Variants in PALS2 observed in about 807,000 individuals in gnomAD.
The protein encoded by PALS2 is protein associated with LIN7 2, MAGUK p55 family member.
A neutral mutation model predicts 61.6 loss-of-function variants in PALS2; 27 were observed. The observed-to-expected ratio is 0.44, with a 90% confidence interval of 0.32 to 0.60. The LOEUF (loss-of-function observed/expected upper bound fraction) is 0.60. Among genes scored for constraint, PALS2 ranks in the 20% least tolerant of loss-of-function variants. PALS2 has a pLI of 0.05. For missense variants in PALS2, 554 were observed against 639.4 expected, an observed-to-expected ratio of 0.87 and a Z score of 1.44; for synonymous variants, 236 against 218.6, an observed-to-expected ratio of 1.08 and a Z score of -0.70.
rs1178867680 is a variant in PALS2, at chr7:24,688,007, T to C, written c.*393T>C. 1.3e-5 allele frequency: 2 copies of C among 154,596 alleles called. No homozygotes were observed. The highest frequency in any genetic ancestry group is 2.9e-5 in the Non-Finnish European group (2 of 69,804). 9.6% of individuals were successfully genotyped at this position (154,596 alleles called of 1,614,324 possible). ...ATTACTTGAAATAGTTTTGTAAAGCTGTCATTTAGTTCAGTATTCAAATAG... is the reference window on the plus strand; with the variant it reads ...ATTACTTGAAATAGTTTTGTAAAGCCGTCATTTAGTTCAGTATTCAAATAG... On this transcript the variant is annotated 3_prime_UTR_variant, in exon 12 of 12. Coordinates refer to ENST00000222644, the MANE Select transcript of PALS2 (RefSeq NM_001303037.2).
chr7:24,678,804 A>T (rs187364603), intron 9 of PALS2, among the ~76,000 whole-genome samples: 1 of 152,112 alleles, frequency 6.6e-6, no homozygotes, highest in Non-Finnish European at 1.5e-5. Flanking sequence ...TTGGGGGACT[A>T]CCTCTTAAAA....
chr7:24,629,157 A>G (rs543383571), intron 2 of PALS2, among the ~76,000 whole-genome samples: 1 of 152,284 alleles, frequency 6.6e-6, no homozygotes, highest in Admixed American at 6.5e-5. Flanking sequence ...AGACCAATGG[A>G]ACAGGACAGA....
chr7:24,613,598 C>T (rs1784188926), intron 1 of PALS2, among the ~76,000 whole-genome samples: 2 of 151,750 alleles, frequency 1.3e-5, no homozygotes, highest in Non-Finnish European at 3.0e-5. Context: ...GTGTTGGGAG[C>T]ATTCGAATAT....
chr7:24,603,490 A>G (rs1378173181), intron 1 of PALS2, among the ~76,000 whole-genome samples: 1 of 152,222 alleles, frequency 6.6e-6, no homozygotes, highest in Non-Finnish European at 1.5e-5. Flanking sequence ...AGCTCTCCAC[A>G]TAGAGACCCA....
At chr7:24,593,517 C>G (rs755061108) in intron 1 of PALS2, among the ~76,000 whole-genome samples, 13 of 152,086 alleles carry the variant, frequency 8.5e-5, no homozygotes, top group Admixed American at 1.3e-4. Context: ...CAGCTATCGT[C>G]TTATGAGATG....
intron 2 of PALS2, among the ~76,000 whole-genome samples, chr7:24,632,651 T>C (rs1008834977): frequency 6.6e-6 from 1 of 152,192 alleles, no homozygotes; most frequent in African/African-American, 2.4e-5. Context: ...CCTCCCAAAA[T>C]GCTAGGATTA....
At chr7:24,636,685 T>G (rs553332280) in intron 2 of PALS2, among the ~76,000 whole-genome samples, 71 of 152,318 alleles carry the variant, frequency 4.7e-4, no homozygotes, top group Non-Finnish European at 9.6e-4. Context: ...AAAATTAAAT[T>G]TTTAAAGATA....
chr7:24,605,744 A>C lies in PALS2; in HGVS notation c.-2-17922A>C, dbSNP rs150744650. On this transcript the variant is annotated intron_variant, in intron 1 of 11. Coordinates refer to ENST00000222644, the MANE Select transcript of PALS2 (RefSeq NM_001303037.2). ...CTTGTCTCTATCCAGTAATACCTGA[A>C]ATTTTTTACAAAATTAATTTATGTA... 2.3e-3 allele frequency among the ~76,000 whole-genome samples: 351 copies of C among 152,258 alleles called. 1 individual carries two copies. Among genetic ancestry groups the C allele is most frequent in the African/African-American group, 8.0e-3 (331 of 41,560 alleles).
At chr7:24,588,689 T>G (rs1177195266) in intron 1 of PALS2, among the ~76,000 whole-genome samples, 2 of 152,216 alleles carry the variant, frequency 1.3e-5, no homozygotes, top group Non-Finnish European at 2.9e-5. Flanking sequence ...GCCATACGTA[T>G]AACAGCTACA....
intron 1 of PALS2, among the ~76,000 whole-genome samples, chr7:24,612,916 C>T (rs1028171486): frequency 6.6e-6 from 1 of 151,766 alleles, no homozygotes; most frequent in African/African-American, 2.4e-5. Context: ...TGACATTTCT[C>T]CATTAAATGT....
At chr7:24,584,021 A>G (rs1255525768) in intron 1 of PALS2, among the ~76,000 whole-genome samples, 7 of 149,834 alleles carry the variant, frequency 4.7e-5, no homozygotes, top group Non-Finnish European at 1.0e-4. Context: ...ATAGTATTCC[A>G]TGGTGTATAT....
At chr7:24,642,329 A>C (rs146918385) in intron 3 of PALS2, among the ~76,000 whole-genome samples, 1 of 152,328 alleles carries the variant, frequency 6.6e-6, no homozygotes, top group African/African-American at 2.4e-5. Flanking sequence ...CCACAGGTAC[A>C]GAAATAAGTA....
chr7:24,688,741 TA>T lies in PALS2; in HGVS notation c.*1128del, dbSNP rs1425114494. ...AAATATATACATTATATAATATGTATATTATGTATTATATAATATATATAAA... is the reference window on the plus strand; with the variant it reads ...AAATATATACATTATATAATATGTATTTATGTATTATATAATATATATAAA... On this transcript the variant is annotated 3_prime_UTR_variant, in exon 12 of 12. Coordinates refer to ENST00000222644, the MANE Select transcript of PALS2 (RefSeq NM_001303037.2). 219 of 149,418 alleles carry T rather than the reference TA, an allele frequency of 1.5e-3. No homozygotes were observed. The highest frequency in any genetic ancestry group is 5.1e-3 in the African/African-American group (210 of 41,034). 9.3% of individuals were successfully genotyped at this position (149,418 alleles called of 1,614,324 possible). A position where few individuals can be genotyped will look rare whatever the true frequency, so the allele number is the denominator to read the frequency against.
chr7:24,590,864 G>A (rs1213544326), intron 1 of PALS2, among the ~76,000 whole-genome samples: 2 of 150,582 alleles, frequency 1.3e-5, no homozygotes, highest in African/African-American at 4.9e-5. Context: ...TTTTTTTGAG[G>A]GGATGTTTTC....
chr7:24,680,445 G>T lies in PALS2; in HGVS notation c.1371G>T (p.Ala457=), dbSNP rs778913694. The T allele has an allele frequency of 6.2e-7, 1 of 1,613,760 alleles. No homozygotes were observed. Reference sequence around the variant, plus strand: ...TTATGCCCTATGTGGTATTTATTGCGGCTCCGGAGCTAGAGACGTTACGTG... The same window carrying T: ...TTATGCCCTATGTGGTATTTATTGCTGCTCCGGAGCTAGAGACGTTACGTG... ...SEFMPYVVFI[A]APELETLRAM... Residue 457 remains alanine, a synonymous_variant, in exon 11 of 12, where the codon GCG becomes GCT. Coordinates refer to ENST00000222644, the MANE Select transcript of PALS2 (RefSeq NM_001303037.2).
In PALS2 at chr7:24,685,491, C is replaced by G. The variant is rs377346019; in HGVS notation, c.1447-1947C>G. Among the ~76,000 whole-genome samples the G allele has an allele frequency of 8.5e-5, 13 of 152,116 alleles. No individual in the cohort carries two copies. The South Asian group carries it at 1.9e-3, about 22-fold the overall frequency. On this transcript the variant is annotated intron_variant, in intron 11 of 11. Transcript: ENST00000222644. ...AGTATAAGCAAGTGTGCCTGTGTCT[C>G]CTCCTCCCCCCCATTTTATACATAA...
At chr7:24,628,270 T>G (rs1339425765) in intron 2 of PALS2, among the ~76,000 whole-genome samples, 2 of 152,188 alleles carry the variant, frequency 1.3e-5, no homozygotes, top group African/African-American at 4.8e-5. Flanking sequence ...GAAAATCACA[T>G]GATTATCTTA....
chr7:24,610,268 G>T (rs1488410062), intron 1 of PALS2, among the ~76,000 whole-genome samples: 1 of 152,148 alleles, frequency 6.6e-6, no homozygotes, highest in Admixed American at 6.6e-5. Flanking sequence ...TTCAGGACTA[G>T]TTAAGTGGTA....
At chr7:24,659,846 A>G (rs1465739407) in intron 5 of PALS2, among the ~76,000 whole-genome samples, 11 of 152,226 alleles carry the variant, frequency 7.2e-5, no homozygotes, top group African/African-American at 2.4e-4. Context: ...TTGAAAACAG[A>G]GGGAGTCCCT....
Sources: allele counts gnomAD v4.1 joint callset (sites outside exome capture counted in the v4.1 genomes callset), GRCh38; gene constraint gnomAD v4.1.1; transcripts MANE v1.5; gene names NCBI Gene and HGNC (gene_info 2026-07-23, HGNC 2026-07-21).